Variants in IQCJ observed in about 807,000 individuals in gnomAD.
IQCJ encodes the protein IQ motif containing J.
A neutral mutation model predicts 11.0 loss-of-function variants in IQCJ; 9 were observed. That is an observed-to-expected ratio of 0.82 (90% CI 0.49 to 1.43). The LOEUF (loss-of-function observed/expected upper bound fraction) is 1.43, where lower values mean the gene tolerates loss of function less well. Among genes scored for constraint, IQCJ ranks in the 40% most tolerant of loss-of-function variants. The pLI, the probability that IQCJ is intolerant of heterozygous loss-of-function variation, is 0.00. For missense variants in IQCJ, 146 were observed against 133.2 expected (o/e 1.10, Z -0.47); for synonymous variants, 55 against 51.3 (o/e 1.07, Z -0.31).
chr3:159,229,438 T>A (rs1215145040), intron 1 of IQCJ, among the ~76,000 whole-genome samples: 1 of 152,032 alleles, frequency 6.6e-6, no homozygotes, highest in African/African-American at 2.4e-5. Context: ...CTCCTTTCCT[T>A]CGCTCTGGTT....
intron 1 of IQCJ, among the ~76,000 whole-genome samples, chr3:159,166,076 A>G (rs1282993548): frequency 6.6e-6 from 1 of 151,858 alleles, no homozygotes; most frequent in East Asian, 1.9e-4. Context: ...GTTTTTCTCC[A>G]GCAGGTGGAA....
intron 1 of IQCJ, among the ~76,000 whole-genome samples, chr3:159,148,520 T>A (rs1721034847): frequency 6.6e-6 from 1 of 152,228 alleles, no homozygotes; most frequent in Non-Finnish European, 1.5e-5. Flanking sequence ...GTAAGATATA[T>A]GCTTAAATAT....
At chr3:159,242,620 C>T (rs148406212) in intron 1 of IQCJ, among the ~76,000 whole-genome samples, 60 of 151,000 alleles carry the variant, frequency 4.0e-4, no homozygotes, top group African/African-American at 1.3e-3. Flanking sequence ...ATGGAAGCCC[C>T]ATTTAGTAGA....
At chr3:159,081,978 A>T (rs1043106371) in intron 1 of IQCJ, among the ~76,000 whole-genome samples, 26 of 152,246 alleles carry the variant, frequency 1.7e-4, no homozygotes, top group East Asian at 1.9e-4. Context: ...ATGTCCATTA[A>T]CTGCCAAAAT....
chr3:159,245,310 T>C (rs1447604025), intron 1 of IQCJ, among the ~76,000 whole-genome samples: 1 of 151,636 alleles, frequency 6.6e-6, no homozygotes, highest in Non-Finnish European at 1.5e-5. Flanking sequence ...TATGTAAACA[T>C]ATCCAAATTC....
At chr3:159,260,361 A>T (rs1728130939) in intron 3 of IQCJ, among the ~76,000 whole-genome samples, 1 of 152,270 alleles carries the variant, frequency 6.6e-6, no homozygotes, top group Non-Finnish European at 1.5e-5. Context: ...AGGACAGTGT[A>T]GAATACCTCA....
intron 1 of IQCJ, chr3:159,069,874 TGTGTGTGTGTGTGC>T (rs1052210502): frequency 4.6e-5 from 17 of 370,374 alleles, no homozygotes; most frequent in African/African-American, 2.6e-4. Flanking sequence ...TGTGTGTGTG[TGTGTGTGTGTGTGC>T]GTGTGTATGG....
intron 1 of IQCJ, among the ~76,000 whole-genome samples, chr3:159,166,648 C>T (rs796736687): frequency 4.2e-4 from 64 of 152,236 alleles, no homozygotes; most frequent in African/African-American, 1.4e-3. Flanking sequence ...AGTGTGCATT[C>T]GGGAGCATTT....
intron 1 of IQCJ, among the ~76,000 whole-genome samples, chr3:159,128,672 C>T (rs1466072106): frequency 6.6e-6 from 1 of 152,118 alleles, no homozygotes; most frequent in Non-Finnish European, 1.5e-5. Context: ...CGTTCCAGTC[C>T]ATCCTGCCTG....
intron 1 of IQCJ, among the ~76,000 whole-genome samples, chr3:159,148,871 C>T (rs978390940): frequency 1.3e-5 from 2 of 152,108 alleles, no homozygotes; most frequent in African/African-American, 2.4e-5. Context: ...GTGCCGCATC[C>T]ACTCCTTCAG....
chr3:159,077,845 T>G (rs1478473740), intron 1 of IQCJ, among the ~76,000 whole-genome samples: 1 of 152,272 alleles, frequency 6.6e-6, no homozygotes, highest in South Asian at 2.1e-4. Context: ...AAAAAATTCC[T>G]TTGTTCCCTT....
chr3:159,209,214 G>A (rs550275469), intron 1 of IQCJ, among the ~76,000 whole-genome samples: 2 of 152,330 alleles, frequency 1.3e-5, no homozygotes, highest in South Asian at 2.1e-4. Flanking sequence ...GTGGCTGAAT[G>A]TCTGGAGGAG....
At chr3:159,187,131 A>T (rs1268302139) in intron 1 of IQCJ, among the ~76,000 whole-genome samples, 2 of 152,230 alleles carry the variant, frequency 1.3e-5, no homozygotes, top group African/African-American at 4.8e-5. Flanking sequence ...CATTTTCAGC[A>T]TTTATTTTAT....
Position 159,071,084 on chromosome 3 carries a change from C to T in IQCJ, c.9+1643C>T, listed in dbSNP as rs151312799. 5.9e-3 allele frequency among the ~76,000 whole-genome samples: 903 copies of T among 151,856 alleles called. 8 individuals carry two copies. The highest frequency in any genetic ancestry group is 0.02 in the African/African-American group (820 of 41,452). ...GAAAGCTACTCTTACTTTTTAGCAT[C>T]CAAGATCTAATATTTTATCACATAT... On this transcript the variant is annotated intron_variant, in intron 1 of 3. Transcript: ENST00000397832.
chr3:159,075,447 C>T (rs1715847129), intron 1 of IQCJ, among the ~76,000 whole-genome samples: 1 of 152,004 alleles, frequency 6.6e-6, no homozygotes, highest in South Asian at 2.1e-4. Context: ...AAGCTGGTAA[C>T]ATATTGTTTG....
intron 1 of IQCJ, among the ~76,000 whole-genome samples, chr3:159,175,510 C>T (rs1214419502): frequency 6.6e-6 from 1 of 152,094 alleles, no homozygotes; most frequent in African/African-American, 2.4e-5. Context: ...TTTTCTATCA[C>T]TCCAGTAAGT....
intron 3 of IQCJ, among the ~76,000 whole-genome samples, chr3:159,259,070 C>A (rs1013631454): frequency 6.6e-6 from 1 of 152,162 alleles, no homozygotes; most frequent in Non-Finnish European, 1.5e-5. Flanking sequence ...CTCTGGGAAC[C>A]CTCTCCTCTC....
chr3:159,120,635 C>T (rs1719313906), intron 1 of IQCJ, among the ~76,000 whole-genome samples: 1 of 152,196 alleles, frequency 6.6e-6, no homozygotes, highest in Non-Finnish European at 1.5e-5. Context: ...AAGAGACTGT[C>T]TTCCTGCCAG....
chr3:159,085,458 G>A (rs981887397), intron 1 of IQCJ, among the ~76,000 whole-genome samples: 2 of 151,728 alleles, frequency 1.3e-5, no homozygotes, highest in African/African-American at 4.8e-5. Context: ...GGGTCAAATG[G>A]TATTTCTAGT....
Sources: gnomAD v4.1 joint callset for allele counts (sites outside exome capture counted in the v4.1 genomes callset) on GRCh38, gnomAD v4.1.1 for gene constraint, MANE v1.5 for transcripts, NCBI Gene and HGNC (gene_info 2026-07-23, HGNC 2026-07-21) for gene names.